Variants in ATP6V0E1 observed in about 807,000 individuals in gnomAD.
ATP6V0E1 encodes V-type proton ATPase subunit e 1.
ATP6V0E1 carries 4 observed loss-of-function variants against 11.6 expected under a neutral mutation model. The observed-to-expected ratio is 0.35, with a 90% CI of 0.17 to 0.79. ATP6V0E1 has a LOEUF of 0.79. Among genes scored for constraint, ATP6V0E1 ranks in the 30% least tolerant of loss-of-function variants. The pLI is 0.54. For synonymous variants in ATP6V0E1, 36 were observed against 34.8 expected (o/e 1.04, Z -0.13); for missense variants, 105 against 100.0 (o/e 1.05, Z -0.21).
chr5:173,022,305 T>C (rs1019717895), intron 3 of ATP6V0E1, among the ~76,000 whole-genome samples: 2 of 152,340 alleles, frequency 1.3e-5, no homozygotes, highest in South Asian at 2.1e-4. Flanking sequence ...GCTCTGGCTC[T>C]CCTATGTTTA....
chr5:172,997,545 C>CA (rs1355296454), intron 2 of ATP6V0E1, among the ~76,000 whole-genome samples: 1 of 152,184 alleles, frequency 6.6e-6, no homozygotes, highest in African/African-American at 2.4e-5. Context: ...CGTGGTGGCT[C>CA]ACGCCTGTAA....
chr5:173,034,033 C>A (rs1053234833), intron 3 of ATP6V0E1, among the ~76,000 whole-genome samples: 5 of 152,176 alleles, frequency 3.3e-5, no homozygotes, highest in Admixed American at 3.3e-4. Context: ...GAGCAGAGTT[C>A]GCCATGCCTG....
chr5:173,004,619 G>A (rs1290947187), intron 2 of ATP6V0E1, among the ~76,000 whole-genome samples: 4 of 152,174 alleles, frequency 2.6e-5, no homozygotes, highest in Non-Finnish European at 4.4e-5. Context: ...TGGGGATGGG[G>A]TCATAATAGA....
At chr5:173,014,197 T>C (rs1347835367) in intron 2 of ATP6V0E1, among the ~76,000 whole-genome samples, 2 of 143,206 alleles carry the variant, frequency 1.4e-5, no homozygotes, top group African/African-American at 5.2e-5. Flanking sequence ...AAATAACAGA[T>C]GCCAGCAAGG....
In ATP6V0E1 at chr5:172,999,846, T is replaced by C. The variant is rs141921504; in HGVS notation, c.152+5024T>C. Among the ~76,000 whole-genome samples, 25 of 152,340 alleles carry C rather than the reference T, an allele frequency of 1.6e-4. No individual in the cohort carries two copies. The East Asian group carries it at 2.9e-3, about 18-fold the overall frequency. On this transcript the variant is annotated intron_variant, in intron 2 of 3. Coordinates refer to ENST00000519374, the MANE Select transcript of ATP6V0E1 (RefSeq NM_003945.4). ...TTATGGGGAAATCAGCTGGATAGTA[T>C]TGACTTTATGAAATCATTTTTCTTT...
At chr5:173,007,680 T>C (rs558483541) in intron 2 of ATP6V0E1, among the ~76,000 whole-genome samples, 398 of 152,298 alleles carry the variant, frequency 2.6e-3, no homozygotes, top group Middle Eastern at 6.8e-3. Flanking sequence ...CTATATTTGG[T>C]TCCCTAGGAC....
At chr5:173,009,867 G>A (rs913678715) in intron 2 of ATP6V0E1, among the ~76,000 whole-genome samples, 3 of 151,048 alleles carry the variant, frequency 2.0e-5, no homozygotes, top group East Asian at 1.9e-4. Flanking sequence ...GGGTTCAGGC[G>A]ATTCTCCTGC....
chr5:173,003,530 T>G (rs1033556652), intron 2 of ATP6V0E1, among the ~76,000 whole-genome samples: 1 of 152,124 alleles, frequency 6.6e-6, no homozygotes, highest in African/African-American at 2.4e-5. Context: ...GAACAGACTG[T>G]TTGGCGGGGA....
intron 3 of ATP6V0E1, among the ~76,000 whole-genome samples, chr5:173,023,694 A>T (rs1756516454): frequency 6.6e-6 from 1 of 152,140 alleles, no homozygotes; most frequent in African/African-American, 2.4e-5. Context: ...AAAATACAAA[A>T]ATTAGCCAGG....
At chr5:173,026,423 A>G (rs1756559293) in intron 3 of ATP6V0E1, among the ~76,000 whole-genome samples, 2 of 152,202 alleles carry the variant, frequency 1.3e-5, no homozygotes, top group African/African-American at 4.8e-5. Flanking sequence ...TGAATATATA[A>G]AACATCTCCA....
intron 2 of ATP6V0E1, among the ~76,000 whole-genome samples, chr5:173,019,647 C>G (rs577857002): frequency 6.6e-6 from 1 of 151,950 alleles, no homozygotes; most frequent in African/African-American, 2.4e-5. Flanking sequence ...TATTTAGATT[C>G]TGAAGTAAAC....
chr5:173,029,277 T>C (rs1486849563), intron 3 of ATP6V0E1, among the ~76,000 whole-genome samples: 1 of 152,216 alleles, frequency 6.6e-6, no homozygotes, highest in Non-Finnish European at 1.5e-5. Flanking sequence ...GTAAATCTTT[T>C]ACTCCGAGTA....
chr5:173,012,002 T>G (rs1756332911), intron 2 of ATP6V0E1, among the ~76,000 whole-genome samples: 1 of 151,918 alleles, frequency 6.6e-6, no homozygotes, highest in South Asian at 2.1e-4. Context: ...TCCTCTGAAA[T>G]TTCAAATAAA....
At chr5:173,001,190 C>T (rs574353096) in intron 2 of ATP6V0E1, among the ~76,000 whole-genome samples, 3 of 152,070 alleles carry the variant, frequency 2.0e-5, no homozygotes, top group East Asian at 3.9e-4. Context: ...ATTAGCCGGG[C>T]GTAATGGCAC....
intron 3 of ATP6V0E1, among the ~76,000 whole-genome samples, chr5:173,028,084 C>T (rs1052749103): frequency 1.3e-5 from 2 of 152,174 alleles, no homozygotes; most frequent in Admixed American, 6.5e-5. Flanking sequence ...CCACAGCACA[C>T]ACTCGGGCTC....
Position 173,006,574 on chromosome 5 carries a change from A to G in ATP6V0E1, c.152+11752A>G, listed in dbSNP as rs546873710. 2.7e-3 allele frequency among the ~76,000 whole-genome samples: 410 copies of G among 152,322 alleles called. 3 individuals carry two copies. Among genetic ancestry groups the G allele is most frequent in the Non-Finnish European group, 2.6e-3 (180 of 68,020 alleles). On this transcript the variant is annotated intron_variant, in intron 2 of 3. Transcript: ENST00000519374. ...GCAGGCAGTGAGCCGAGATGGCGACACTGCACTCCAGCCTGGGTGACAGAG... is the reference window on the plus strand; with the variant it reads ...GCAGGCAGTGAGCCGAGATGGCGACGCTGCACTCCAGCCTGGGTGACAGAG...
intron 2 of ATP6V0E1, among the ~76,000 whole-genome samples, chr5:173,004,273 T>A (rs1268449914): frequency 6.6e-6 from 1 of 152,042 alleles, no homozygotes; most frequent in African/African-American, 2.4e-5. Flanking sequence ...TTCTTTAGAG[T>A]CAGCTTTTCA....
chr5:173,023,968 G>A (rs939014946), intron 3 of ATP6V0E1, among the ~76,000 whole-genome samples: 1 of 152,018 alleles, frequency 6.6e-6, no homozygotes, highest in Admixed American at 6.6e-5. Flanking sequence ...GAGGCAAGGC[G>A]AGTGGGTCAT....
intron 3 of ATP6V0E1, among the ~76,000 whole-genome samples, chr5:173,023,202 TATTC>T (rs34746494): frequency 0.78 from 118,548 of 151,666 alleles, 47,447 homozygotes; most frequent in East Asian, 0.99. Context: ...TTTATTTATT[TATTC>T]ATTTTGAGAC....
Sources: gnomAD v4.1 joint callset for allele counts (sites outside exome capture counted in the v4.1 genomes callset) on GRCh38, gnomAD v4.1.1 for gene constraint, MANE v1.5 for transcripts, NCBI Gene and HGNC (gene_info 2026-07-23, HGNC 2026-07-21) for gene names.